The following SLC8A3 variants were observed in gnomAD, a reference collection of about 807,000 sequenced individuals.
SLC8A3 encodes the protein solute carrier family 8 member A3, also known as sodium/calcium exchanger 3.
In SLC8A3, 37 loss-of-function variants were observed where a neutral mutation model predicts 65.4. The ratio of observed to expected loss-of-function variants is 0.57; its 90% CI spans 0.44 to 0.74. SLC8A3 has a LOEUF of 0.74. SLC8A3 is among the 30% of genes least tolerant of loss of function. The pLI is 0.00. For missense variants in SLC8A3, 1,112 were observed against 1,172.1 expected, an observed-to-expected ratio of 0.95 and a Z score of 0.75; for synonymous variants, 461 against 444.5, an observed-to-expected ratio of 1.04 and a Z score of -0.47.
intron 2 of SLC8A3, among the ~76,000 whole-genome samples, chr14:70,075,244 C>A (rs144855687): frequency 1.3e-5 from 2 of 152,172 alleles, no homozygotes; most frequent in African/African-American, 4.8e-5. Context: ...AGCCAGACAA[C>A]GTTCTCAGCC....
At chr14:70,092,863 C>T (rs1417664181) in intron 2 of SLC8A3, among the ~76,000 whole-genome samples, 3 of 152,310 alleles carry the variant, frequency 2.0e-5, no homozygotes, top group Admixed American at 2.0e-4. Context: ...CCAATTTCTC[C>T]AAAGTGAATT....
At chr14:70,126,223 A>G (rs1281909687) in intron 2 of SLC8A3, among the ~76,000 whole-genome samples, 1 of 151,812 alleles carries the variant, frequency 6.6e-6, no homozygotes, top group East Asian at 1.9e-4. Flanking sequence ...TCTTCAATCA[A>G]TCAAAACATT....
intron 1 of SLC8A3, among the ~76,000 whole-genome samples, chr14:70,181,484 G>A (rs1160824877): frequency 1.3e-5 from 2 of 148,344 alleles, no homozygotes; most frequent in East Asian, 2.0e-4. Flanking sequence ...AAAAAAAAGT[G>A]CATTTCAGAA....
intron 2 of SLC8A3, among the ~76,000 whole-genome samples, chr14:70,108,612 G>C (rs1256723191): frequency 6.6e-6 from 1 of 152,078 alleles, no homozygotes; most frequent in African/African-American, 2.4e-5. Flanking sequence ...CTCACACAGC[G>C]TTTGGCAGGA....
At position 70,056,564 on chromosome 14, in the gene SLC8A3, C is replaced by T. The variant is rs1207358792; in HGVS notation, c.1888+4272G>A. 3.9e-5 allele frequency among the ~76,000 whole-genome samples: 6 copies of T among 152,200 alleles called. No individual in the cohort carries two copies. In the East Asian group the frequency reaches 1.2e-3, roughly 29 times the overall value. On this transcript the variant is annotated intron_variant, in intron 3 of 6. Coordinates refer to ENST00000356921, the MANE Select transcript of SLC8A3 (RefSeq NM_182932.3). ...ATGGGCTCCTCCCATTTTGTATCAC[C>T]TCTGCTTAGCAAAGTCCCTGCATGT...
At chr14:70,146,574 C>A (rs1027758913) in intron 2 of SLC8A3, among the ~76,000 whole-genome samples, 1 of 152,114 alleles carries the variant, frequency 6.6e-6, no homozygotes, top group African/African-American at 2.4e-5. Context: ...AAAAAAATAA[C>A]CCTGCCTGGT....
In SLC8A3 at chr14:70,188,797, G is replaced by A. The variant is rs1883576749; in HGVS notation, c.-481C>T. 1 of 152,054 alleles carries A rather than the reference G, an allele frequency of 6.6e-6. No individual in the cohort carries two copies. The highest frequency in any genetic ancestry group is 2.1e-4 in the South Asian group (1 of 4,836). 9.4% of individuals were successfully genotyped at this position (152,054 alleles called of 1,614,324 possible). Reference sequence around the variant, plus strand: ...AAGGGGCAGGAAGGCAAGCAGCCCGGCGCGCCCTGGCGGCTCCGAGGGACC... The same window carrying A: ...AAGGGGCAGGAAGGCAAGCAGCCCGACGCGCCCTGGCGGCTCCGAGGGACC... On this transcript the variant is annotated 5_prime_UTR_variant, in exon 1 of 7. Transcript: ENST00000356921.
At chr14:70,185,443 C>T (rs1883121054) in intron 1 of SLC8A3, among the ~76,000 whole-genome samples, 1 of 152,222 alleles carries the variant, frequency 6.6e-6, no homozygotes, top group Admixed American at 6.5e-5. Flanking sequence ...AGGAACCATC[C>T]TGCACAGGCA....
In SLC8A3 at chr14:70,048,997, G is replaced by A. The variant is rs1318695316; in HGVS notation, c.2159C>T (p.Ser720Phe). 6.2e-7 allele frequency: 1 copy of A among 1,614,056 alleles called. No individual in the cohort carries two copies. The highest frequency in any genetic ancestry group is 8.5e-7 in the Non-Finnish European group (1 of 1,179,898). ...EDESGEERLP[S>F]CFDYVMHFLT... ...GAAGTGCATGACGTAGTCAAAGCAG[G>A]AGGGCAGCCTCTCCTCCCCGGATTC... The change falls in exon 6 of 7, where the codon TCC becomes TTC. Residue 720 changes from serine to phenylalanine, a missense_variant. Physicochemically the swap from Ser to Phe is radical, Grantham distance 155. Coordinates refer to ENST00000356921, the MANE Select transcript of SLC8A3 (RefSeq NM_182932.3).
At chr14:70,069,531 T>C (rs1390313971) in intron 2 of SLC8A3, among the ~76,000 whole-genome samples, 2 of 152,222 alleles carry the variant, frequency 1.3e-5, no homozygotes, top group African/African-American at 4.8e-5. Flanking sequence ...AACCTTTCCA[T>C]GGGAGCTTTC....
chr14:70,047,820 T>C (rs1886964961), intron 6 of SLC8A3: 1 of 152,250 alleles, frequency 6.6e-6, no homozygotes, highest in African/African-American at 2.4e-5. Flanking sequence ...CTAACTGAAT[T>C]AAGTAAAGAA....
chr14:70,102,457 T>C (rs1892605827), intron 2 of SLC8A3, among the ~76,000 whole-genome samples: 1 of 152,086 alleles, frequency 6.6e-6, no homozygotes, highest in African/African-American at 2.4e-5. Context: ...TTACTAGACA[T>C]GTGAAGAAAC....
Position 70,048,989 on chromosome 14 carries a change from C to T in SLC8A3, c.2167G>A (p.Asp723Asn), listed in dbSNP as rs1887132392. ...SGEERLPSCF[D>N]YVMHFLTVFW... ...ACAGTCAGGAAGTGCATGACGTAGTCAAAGCAGGAGGGCAGCCTCTCCTCC... is the reference window on the plus strand; with the variant it reads ...ACAGTCAGGAAGTGCATGACGTAGTTAAAGCAGGAGGGCAGCCTCTCCTCC... The change falls in exon 6 of 7, where the codon GAC becomes AAC. Residue 723 changes from aspartate (D) to asparagine (N), a missense_variant. Coordinates refer to ENST00000356921, the MANE Select transcript of SLC8A3 (RefSeq NM_182932.3). 1 of 1,614,130 alleles carries T rather than the reference C, an allele frequency of 6.2e-7. No homozygotes were observed. Among genetic ancestry groups the T allele is most frequent in the East Asian group, 2.2e-5 (1 of 44,892 alleles).
chr14:70,050,921 G>T, intron 5 of SLC8A3, 87 bp downstream of exon 5: 3 of 791,590 alleles, frequency 3.8e-6, no homozygotes, highest in Non-Finnish European at 2.2e-6. Flanking sequence ...CCTTCCTAGG[G>T]ACTGGCAGGC....
intron 2 of SLC8A3, among the ~76,000 whole-genome samples, chr14:70,126,902 C>CAA (rs5809465): frequency 2.7e-5 from 4 of 149,392 alleles, no homozygotes; most frequent in East Asian, 3.9e-4. Context: ...TGCAAATATT[C>CAA]AAAAAAAAAA....
chr14:70,157,805 C>T (rs977159946), intron 2 of SLC8A3, among the ~76,000 whole-genome samples: 24 of 152,300 alleles, frequency 1.6e-4, no homozygotes, highest in African/African-American at 5.1e-4. Flanking sequence ...ATAGTGAAGG[C>T]AAAAAGAGCA....
At chr14:70,123,367 G>C (rs1216792681) in intron 2 of SLC8A3, among the ~76,000 whole-genome samples, 1 of 151,790 alleles carries the variant, frequency 6.6e-6, no homozygotes, top group Non-Finnish European at 1.5e-5. Flanking sequence ...TAAAAACAAA[G>C]AGCATGGAAT....
At chr14:70,079,464 C>T (rs1380706723) in intron 2 of SLC8A3, among the ~76,000 whole-genome samples, 2 of 151,842 alleles carry the variant, frequency 1.3e-5, no homozygotes, top group African/African-American at 4.8e-5. Flanking sequence ...GATGGTGCCA[C>T]TGCACTCCAG....
intron 5 of SLC8A3, among the ~76,000 whole-genome samples, chr14:70,050,262 C>A (rs1433577897): frequency 6.6e-6 from 1 of 152,156 alleles, no homozygotes; most frequent in Non-Finnish European, 1.5e-5. Flanking sequence ...GTAGCAGCAG[C>A]AGCAGCAGCA....
Sources: allele counts gnomAD v4.1 joint callset (sites outside exome capture counted in the v4.1 genomes callset), GRCh38; gene constraint gnomAD v4.1.1; transcripts MANE v1.5; gene names NCBI Gene and HGNC (gene_info 2026-07-23, HGNC 2026-07-21).